The following LPAR3 variants were observed in gnomAD, a reference collection of about 807,000 sequenced individuals.
LPAR3 encodes the protein LPA receptor 3.
In LPAR3, 7 loss-of-function variants were observed where a neutral mutation model predicts 17.8. That is an observed-to-expected ratio of 0.39 (90% CI 0.22 to 0.74). The LOEUF is 0.74. Ranked by LOEUF, LPAR3 falls within the 30% of genes least tolerant of loss-of-function variation. The pLI, the probability that LPAR3 is intolerant of heterozygous loss-of-function variation, is 0.40. For missense variants in LPAR3, 391 were observed against 453.4 expected, an observed-to-expected ratio of 0.86 and a Z score of 1.25; for synonymous variants, 179 against 179.9, an observed-to-expected ratio of 0.99 and a Z score of 0.04.
chr1:84,850,286 A>G (rs1476078404), intron 2 of LPAR3, among the ~76,000 whole-genome samples: 1 of 150,898 alleles, frequency 6.6e-6, no homozygotes, highest in African/African-American at 2.4e-5. Context: ...AGCTGGGAGC[A>G]CTGGCTCACG....
At chr1:84,828,174 G>GAC in intron 2 of LPAR3, among the ~76,000 whole-genome samples, 1 of 152,054 alleles carries the variant, frequency 6.6e-6, no homozygotes, top group African/African-American at 2.4e-5. Flanking sequence ...GTGAGCGATG[G>GAC]ACACACACAC....
chr1:84,873,353 A>G (rs781534270), intron 1 of LPAR3, among the ~76,000 whole-genome samples: 2 of 152,358 alleles, frequency 1.3e-5, no homozygotes, highest in East Asian at 1.9e-4. Flanking sequence ...ATTTTTCTGT[A>G]TATAGAAGAC....
intron 2 of LPAR3, among the ~76,000 whole-genome samples, chr1:84,827,658 C>A (rs1659189506): frequency 6.6e-6 from 1 of 152,122 alleles, no homozygotes. Flanking sequence ...CACTGCTGAC[C>A]ATTCAGTTTG....
intron 1 of LPAR3, 161 bp from the exon 2 acceptor site, chr1:84,866,299 C>T (rs1660048635): frequency 3.3e-6 from 2 of 611,178 alleles, no homozygotes; most frequent in African/African-American, 3.7e-5. Context: ...AGGACATAGC[C>T]CCTGACCTCC....
At chr1:84,832,760 G>A (rs1250645959) in intron 2 of LPAR3, among the ~76,000 whole-genome samples, 5 of 152,162 alleles carry the variant, frequency 3.3e-5, no homozygotes, top group Non-Finnish European at 7.4e-5. Flanking sequence ...GGCAGCTAGG[G>A]GTTCTCCTCT....
intron 2 of LPAR3, among the ~76,000 whole-genome samples, chr1:84,857,245 C>T (rs754857113): frequency 6.6e-6 from 1 of 152,174 alleles, no homozygotes; most frequent in Non-Finnish European, 1.5e-5. Context: ...TAGAATCAAA[C>T]TAAGGTCTAA....
At chr1:84,888,559 G>C (rs1475582797) in intron 1 of LPAR3, among the ~76,000 whole-genome samples, 1 of 152,246 alleles carries the variant, frequency 6.6e-6, no homozygotes. Flanking sequence ...GTCTGAGTCT[G>C]TCTGGGGGCA....
chr1:84,859,753 A>G (rs574961009), intron 2 of LPAR3, among the ~76,000 whole-genome samples: 47 of 152,340 alleles, frequency 3.1e-4, no homozygotes, highest in Admixed American at 8.5e-4. Context: ...GAAGACTTCA[A>G]AAGAATGGTT....
intron 2 of LPAR3, among the ~76,000 whole-genome samples, chr1:84,830,969 C>T (rs755577740): frequency 3.9e-5 from 6 of 152,174 alleles, no homozygotes; most frequent in Admixed American, 6.5e-5. Context: ...AAGACACTAT[C>T]ATGAGCACAC....
intron 2 of LPAR3, among the ~76,000 whole-genome samples, chr1:84,829,413 G>C (rs1466234212): frequency 1.3e-5 from 2 of 151,876 alleles, no homozygotes; most frequent in Non-Finnish European, 2.9e-5. Context: ...GGTGAAAGTG[G>C]GAGGTGCTGG....
At chr1:84,858,516 C>T (rs1323274578) in intron 2 of LPAR3, among the ~76,000 whole-genome samples, 1 of 149,974 alleles carries the variant, frequency 6.7e-6, no homozygotes, top group Non-Finnish European at 1.5e-5. Flanking sequence ...CTAAAAAACA[C>T]GATTCTTACC....
At chr1:84,821,773 G>C (rs1307977230) in intron 2 of LPAR3, among the ~76,000 whole-genome samples, 2 of 152,190 alleles carry the variant, frequency 1.3e-5, no homozygotes, top group Non-Finnish European at 2.9e-5. Flanking sequence ...AGCTGTAAGG[G>C]GGAAGGAAAT....
At chr1:84,820,617 G>C (rs1659034443) in intron 2 of LPAR3, among the ~76,000 whole-genome samples, 2 of 152,174 alleles carry the variant, frequency 1.3e-5, no homozygotes, top group African/African-American at 4.8e-5. Flanking sequence ...ATTGAGAAGG[G>C]CCCTGTGTGC....
At chr1:84,833,843 C>T (rs1230593067) in intron 2 of LPAR3, among the ~76,000 whole-genome samples, 3 of 152,156 alleles carry the variant, frequency 2.0e-5, no homozygotes, top group Non-Finnish European at 4.4e-5. Flanking sequence ...TATCTGTCAG[C>T]CATTCTTGCT....
At chr1:84,821,101 A>G (rs551032864) in intron 2 of LPAR3, among the ~76,000 whole-genome samples, 1 of 148,808 alleles carries the variant, frequency 6.7e-6, no homozygotes, top group Admixed American at 6.7e-5. Context: ...TTTTTTTTTT[A>G]AAGTTTGAAA....
chr1:84,865,247 A>C, intron 2 of LPAR3, 138 bp downstream of exon 2: 1 of 837,580 alleles, frequency 1.2e-6, no homozygotes. Context: ...TGTAAGCTCC[A>C]GGTGGGTGGC....
intron 2 of LPAR3, among the ~76,000 whole-genome samples, chr1:84,824,383 GT>G (rs1206224050): frequency 6.6e-6 from 1 of 152,108 alleles, no homozygotes; most frequent in African/African-American, 2.4e-5. Flanking sequence ...GACACTATTT[GT>G]TTCTGGGCTC....
At chr1:84,873,385 T>C (rs1044547719) in intron 1 of LPAR3, among the ~76,000 whole-genome samples, 2 of 152,156 alleles carry the variant, frequency 1.3e-5, no homozygotes, top group Non-Finnish European at 2.9e-5. Flanking sequence ...TAAACAAATA[T>C]TAAAAATAAC....
At chr1:84,885,447 C>G (rs909562093) in intron 1 of LPAR3, among the ~76,000 whole-genome samples, 3 of 152,188 alleles carry the variant, frequency 2.0e-5, no homozygotes, top group Non-Finnish European at 2.9e-5. Flanking sequence ...ACTGATAGAA[C>G]TTTGGGGGAA....
Sources: allele counts gnomAD v4.1 joint callset (sites outside exome capture counted in the v4.1 genomes callset), GRCh38; gene constraint gnomAD v4.1.1; transcripts MANE v1.5; gene names NCBI Gene and HGNC (gene_info 2026-07-23, HGNC 2026-07-21).